Variants in MERTK observed in about 807,000 individuals in gnomAD.
MERTK encodes MER proto-oncogene, tyrosine kinase.
A neutral mutation model predicts 99.3 loss-of-function variants in MERTK; 69 were observed. The observed-to-expected ratio is 0.70, with a 90% CI of 0.57 to 0.85. MERTK has a LOEUF of 0.85. MERTK is among the 40% of genes least tolerant of loss of function. The pLI is 0.00. For missense variants in MERTK, 1,125 were observed against 1,249.4 expected, an observed-to-expected ratio of 0.90 and a Z score of 1.50; for synonymous variants, 426 against 467.6, an observed-to-expected ratio of 0.91 and a Z score of 1.15.
intron 6 of MERTK, among the ~76,000 whole-genome samples, chr2:111,970,016 T>C (rs1420408490): frequency 2.0e-5 from 3 of 151,774 alleles, no homozygotes. Context: ...CTTGCTCAGT[T>C]TTGTTTTTTG....
intron 6 of MERTK, among the ~76,000 whole-genome samples, chr2:111,972,545 C>T (rs903435149): frequency 1.3e-5 from 2 of 152,176 alleles, no homozygotes; most frequent in Admixed American, 6.5e-5. Context: ...TCATGGTACA[C>T]ATGAAGAAGC....
At chr2:112,017,059 G>A (rs1677230966) in intron 15 of MERTK, among the ~76,000 whole-genome samples, 1 of 152,168 alleles carries the variant, frequency 6.6e-6, no homozygotes, top group Non-Finnish European at 1.5e-5. Context: ...GTGTGGAAGG[G>A]GACTCAAGCG....
At chr2:111,899,153 G>A (rs1683988505) in intron 1 of MERTK, among the ~76,000 whole-genome samples, 1 of 152,214 alleles carries the variant, frequency 6.6e-6, no homozygotes, top group South Asian at 2.1e-4. Context: ...TAGCAGGTCT[G>A]GTCTGGGATG....
intron 8 of MERTK, among the ~76,000 whole-genome samples, chr2:111,985,313 GGGCAGCTTCTAGACAGGTTCCCTTCCCA>G (rs1162669757): frequency 6.6e-6 from 1 of 152,112 alleles, no homozygotes; most frequent in Non-Finnish European, 1.5e-5. Flanking sequence ...GTGATTAGGT[GGGCAGCTTCTAGACAGGTTCCCTTCCCA>G]CCTGGGAAAG....
chr2:111,999,750 G>A (rs1676828487), intron 10 of MERTK, among the ~76,000 whole-genome samples: 1 of 152,182 alleles, frequency 6.6e-6, no homozygotes, highest in Admixed American at 6.5e-5. Context: ...TTTTGTGTGA[G>A]CAGTAAAGCT....
chr2:112,001,113 C>A, intron 10 of MERTK, 88 bp from the exon 11 acceptor site: 2 of 977,350 alleles, frequency 2.0e-6, no homozygotes, highest in Non-Finnish European at 3.3e-6. Context: ...CATTGAAAAG[C>A]GGAAGCTCTG....
intron 9 of MERTK, chr2:111,994,964 C>T (rs139380569): frequency 4.5e-6 from 1 of 222,784 alleles, no homozygotes; most frequent in East Asian, 1.1e-4. Flanking sequence ...TTTGGCTTTA[C>T]TTATTGAACT....
chr2:111,909,667 A>T (rs531891332), intron 1 of MERTK, among the ~76,000 whole-genome samples: 22 of 152,320 alleles, frequency 1.4e-4, no homozygotes, highest in Admixed American at 4.6e-4. Context: ...ACTTCCATGT[A>T]GACATATAGC....
At chr2:111,945,093 G>A (rs764621983) in intron 3 of MERTK, 33 bp downstream of exon 3, 1 of 1,538,672 alleles carries the variant, frequency 6.5e-7, no homozygotes, top group Admixed American at 1.7e-5. Flanking sequence ...CATTGCCAGA[G>A]AACTGTTTGT....
At chr2:112,004,361 T>G (rs1676937754) in intron 13 of MERTK, among the ~76,000 whole-genome samples, 1 of 152,112 alleles carries the variant, frequency 6.6e-6, no homozygotes, top group Admixed American at 6.5e-5. Context: ...CCAGGGGTTG[T>G]TCTGGCCGGC....
At chr2:111,989,912 C>T (rs1285828392) in intron 8 of MERTK, among the ~76,000 whole-genome samples, 2 of 152,070 alleles carry the variant, frequency 1.3e-5, no homozygotes, top group Non-Finnish European at 2.9e-5. Flanking sequence ...TGTTTAAGTC[C>T]TTGAGGCTAT....
chr2:111,918,632 T>G (rs186018249), intron 1 of MERTK, among the ~76,000 whole-genome samples: 1 of 152,376 alleles, frequency 6.6e-6, no homozygotes, highest in African/African-American at 2.4e-5. Flanking sequence ...TCATATTTCA[T>G]TGCAAGAGTT....
chr2:111,944,814 A>G, intron 2 of MERTK, 146 bp from the exon 3 acceptor site: 2 of 709,904 alleles, frequency 2.8e-6, no homozygotes, highest in Non-Finnish European at 4.9e-6. Flanking sequence ...GGGTTTGACC[A>G]AACAACTGCG....
At chr2:112,027,308 G>GTATA (rs199785426) in intron 18 of MERTK, among the ~76,000 whole-genome samples, 12 of 149,712 alleles carry the variant, frequency 8.0e-5, no homozygotes, top group Admixed American at 4.7e-4. Context: ...GTGTGTGTGT[G>GTATA]TGTATATATA....
At chr2:111,986,551 C>G (rs1676481082) in intron 8 of MERTK, among the ~76,000 whole-genome samples, 1 of 152,210 alleles carries the variant, frequency 6.6e-6, no homozygotes, top group African/African-American at 2.4e-5. Flanking sequence ...TGAAGGGGGC[C>G]TCTTGAGCCG....
intron 1 of MERTK, among the ~76,000 whole-genome samples, chr2:111,917,532 C>A (rs1684373573): frequency 6.6e-6 from 1 of 152,146 alleles, no homozygotes; most frequent in African/African-American, 2.4e-5. Context: ...TCCTGAGGTT[C>A]CTAGCCAGTC....
rs1232301866 is a variant in MERTK, at chr2:112,029,452, G to A, written c.*588G>A. ...TTGCAAAGGAATTCCCTTAATGCCT[G>A]GTCCTTGGGGCAATTGCTCTGACCA... is the stretch of plus-strand genomic sequence containing the variant. On this transcript the variant is annotated 3_prime_UTR_variant, in exon 19 of 19. Coordinates refer to ENST00000295408, the MANE Select transcript of MERTK (RefSeq NM_006343.3). The A allele has an allele frequency of 1.9e-6, 1 of 531,060 alleles. No individual in the cohort carries two copies. Among genetic ancestry groups the A allele is most frequent in the Non-Finnish European group, 2.4e-6 (1 of 414,894 alleles). The allele number at this position is 531,060 out of a possible 1,614,324, so 32.9% of individuals were successfully genotyped here.
intron 6 of MERTK, among the ~76,000 whole-genome samples, chr2:111,972,273 A>G (rs1676138794): frequency 6.6e-6 from 1 of 152,100 alleles, no homozygotes; most frequent in African/African-American, 2.4e-5. Flanking sequence ...CATGGACATA[A>G]CTGAAGCATG....
chr2:112,022,547 C>G, intron 18 of MERTK, 153 bp downstream of exon 18: 2 of 1,133,148 alleles, frequency 1.8e-6, no homozygotes, highest in Non-Finnish European at 2.7e-6. Context: ...ACACCCCAGC[C>G]CAGGAGCCAT....
Sources: gnomAD v4.1 joint callset for allele counts (sites outside exome capture counted in the v4.1 genomes callset) on GRCh38, gnomAD v4.1.1 for gene constraint, MANE v1.5 for transcripts, NCBI Gene and HGNC (gene_info 2026-07-23, HGNC 2026-07-21) for gene names.